CFAP20DC: variants seen among roughly 807,000 people sequenced by gnomAD.
CFAP20DC encodes protein CFAP20DC.
In CFAP20DC, 84 loss-of-function variants were observed where a neutral mutation model predicts 101.7. That is an observed-to-expected ratio of 0.83 (90% CI 0.69 to 0.99). The LOEUF is 0.99. CFAP20DC is among the 50% of genes least tolerant of loss of function. The pLI, the probability that CFAP20DC is intolerant of heterozygous loss-of-function variation, is 0.00. For synonymous variants in CFAP20DC, 359 were observed against 351.2 expected (o/e 1.02, Z -0.25); for missense variants, 1,007 against 970.3 (o/e 1.04, Z -0.50).
At chr3:58,866,196 C>CA (rs370129511) in intron 11 of CFAP20DC, among the ~76,000 whole-genome samples, 176 of 152,274 alleles carry the variant, frequency 1.2e-3, no homozygotes, top group African/African-American at 3.9e-3. Flanking sequence ...AAAAGTAGCA[C>CA]ACACCTGCTA....
chr3:58,831,575 A>G (rs1308126652), intron 14 of CFAP20DC, 111 bp downstream of exon 14: 1 of 767,152 alleles, frequency 1.3e-6, no homozygotes, highest in Non-Finnish European at 2.2e-6. Flanking sequence ...TATTTCTCAT[A>G]GGGAGAGTTC....
At chr3:58,769,244 T>A (rs2107476727) in intron 15 of CFAP20DC, among the ~76,000 whole-genome samples, 1 of 152,254 alleles carries the variant, frequency 6.6e-6, no homozygotes, top group Admixed American at 6.5e-5. Flanking sequence ...CTGAGTGCCA[T>A]CAGAAGCCAG....
intron 7 of CFAP20DC, among the ~76,000 whole-genome samples, chr3:58,880,096 A>G (rs1000266754): frequency 3.4e-4 from 52 of 151,452 alleles, no homozygotes; most frequent in African/African-American, 1.2e-3. Flanking sequence ...CTGACATCAT[A>G]CAATCATTGA....
intron 4 of CFAP20DC, among the ~76,000 whole-genome samples, chr3:58,958,209 C>T (rs2108174598): frequency 6.6e-6 from 1 of 152,214 alleles, no homozygotes; most frequent in African/African-American, 2.4e-5. Context: ...AAACTCCCAG[C>T]CCCAGACAAT....
downstream of CFAP20DC, among the ~76,000 whole-genome samples, chr3:58,716,187 C>T (rs929584168): frequency 8.0e-6 from 1 of 124,450 alleles, no homozygotes; most frequent in Admixed American, 9.7e-5. Flanking sequence ...CGGAGTCTCG[C>T]TCTGTCGCCC....
chr3:58,821,816 A>C (rs1244939422), intron 14 of CFAP20DC, among the ~76,000 whole-genome samples: 3 of 139,624 alleles, frequency 2.1e-5, no homozygotes. Flanking sequence ...AAGGACTATA[A>C]ATCATGCTGC....
chr3:58,825,238 A>G (rs988647535), intron 14 of CFAP20DC, among the ~76,000 whole-genome samples: 12 of 152,250 alleles, frequency 7.9e-5, no homozygotes, highest in African/African-American at 2.9e-4. Context: ...TGTCCTAGAA[A>G]TTCTGTTCTG....
rs74284394 is a variant in CFAP20DC, at chr3:58,751,868, A to C, written c.2332+1901T>G. Among the ~76,000 whole-genome samples, 153 of 125,564 alleles carry C rather than the reference A, an allele frequency of 1.2e-3. 2 individuals carry two copies. In the East Asian group the frequency reaches 0.054, roughly 44 times the overall value. 82.4% of individuals were successfully genotyped at this position (125,564 alleles called of 152,430 possible). A position where few individuals can be genotyped will look rare whatever the true frequency, so the allele number is the denominator to read the frequency against. ...ACACACACACACACACACACACACA[A>C]AATTTCCTCCTGGTGGTGGTGTGAG... is the stretch of plus-strand genomic sequence containing the variant. On this transcript the variant is annotated intron_variant, in intron 16 of 16. Transcript: ENST00000482387.
intron 14 of CFAP20DC, among the ~76,000 whole-genome samples, chr3:58,810,514 T>A (rs533105099): frequency 6.6e-6 from 1 of 152,212 alleles, no homozygotes; most frequent in South Asian, 2.1e-4. Flanking sequence ...CCCTCCATGC[T>A]AAAAACTCTC....
chr3:58,996,088 G>C (rs961008689), intron 4 of CFAP20DC, among the ~76,000 whole-genome samples: 3 of 149,542 alleles, frequency 2.0e-5, no homozygotes, highest in African/African-American at 7.5e-5. Flanking sequence ...AAATTGCTTT[G>C]GTATAAATGA....
chr3:59,018,867 T>A (rs2093743675), intron 4 of CFAP20DC: 1 of 152,046 alleles, frequency 6.6e-6, no homozygotes, highest in Non-Finnish European at 1.5e-5. Context: ...TACACTGAAG[T>A]GTTTAATAAA....
intron 4 of CFAP20DC, among the ~76,000 whole-genome samples, chr3:58,995,764 G>GCT (rs981148347): frequency 1.2e-4 from 18 of 152,262 alleles, no homozygotes; most frequent in Middle Eastern, 3.4e-3. Context: ...GGGAGAATTT[G>GCT]CTCTCTCTGT....
At chr3:58,977,393 A>G (rs2092323309) in intron 4 of CFAP20DC, among the ~76,000 whole-genome samples, 1 of 152,244 alleles carries the variant, frequency 6.6e-6, no homozygotes, top group Non-Finnish European at 1.5e-5. Context: ...GCTTACAATC[A>G]GAATTAAAGG....
At chr3:58,965,395 C>T (rs2108286432) in intron 4 of CFAP20DC, among the ~76,000 whole-genome samples, 1 of 152,254 alleles carries the variant, frequency 6.6e-6, no homozygotes, top group South Asian at 2.1e-4. Flanking sequence ...TAAGTGGAAG[C>T]ATAAAACCTC....
intron 15 of CFAP20DC, among the ~76,000 whole-genome samples, chr3:58,794,518 C>T (rs1385673986): frequency 6.6e-6 from 1 of 152,122 alleles, no homozygotes; most frequent in Non-Finnish European, 1.5e-5. Context: ...TAATATGAAG[C>T]TGTGAATGCT....
intron 12 of CFAP20DC, among the ~76,000 whole-genome samples, chr3:58,850,600 A>C (rs1331942519): frequency 6.6e-6 from 1 of 151,704 alleles, no homozygotes; most frequent in Non-Finnish European, 1.5e-5. Context: ...AAAAAAAAAA[A>C]AAAAGACAAA....
At chr3:58,921,393 C>T (rs894216731) in intron 5 of CFAP20DC, among the ~76,000 whole-genome samples, 6 of 152,040 alleles carry the variant, frequency 3.9e-5, no homozygotes, top group African/African-American at 1.4e-4. Context: ...TCCCTTTAGG[C>T]AGTGACTGCT....
At position 58,931,337 on chromosome 3, in the gene CFAP20DC, G is replaced by C. The variant is rs547425678; in HGVS notation, c.393+6311C>G. 9.8e-5 allele frequency among the ~76,000 whole-genome samples: 15 copies of C among 152,318 alleles called. No homozygotes were observed. The South Asian group carries it at 1.5e-3, about 15-fold the overall frequency. ...CCTGCCTCTGTAGGCTCCACCTTTG[G>C]GGGCAGGGCACAGACAAACAAAAAG... On this transcript the variant is annotated intron_variant, in intron 5 of 16. Coordinates refer to ENST00000482387, the MANE Select transcript of CFAP20DC (RefSeq NM_001394063.1).
rs532801200 is a variant in CFAP20DC, at chr3:58,863,997, G to A, written c.1259-105C>T. The A allele has an allele frequency of 9.5e-5, 108 of 1,139,362 alleles. 1 individual carries two copies. Among genetic ancestry groups the A allele is most frequent in the African/African-American group, 2.8e-4 (18 of 63,944 alleles). The allele number at this position is 1,139,362 out of a possible 1,614,324, so 70.6% of individuals were successfully genotyped here. A position where few individuals can be genotyped will look rare whatever the true frequency, so the allele number is the denominator to read the frequency against. ...GTTTTTGAGACAGTCTCACTCTGCC[G>A]CCTAGGCTGCAGTGCAGTCACGCGA... On this transcript the variant is annotated intron_variant, in intron 11 of 16. Coordinates refer to ENST00000482387, the MANE Select transcript of CFAP20DC (RefSeq NM_001394063.1). This position sits in a 1 kb window ranked among gnomAD's most constrained non-coding sequence, Gnocchi z 5.9.
Sources: gnomAD v4.1 joint callset for allele counts (sites outside exome capture counted in the v4.1 genomes callset) on GRCh38, gnomAD v4.1.1 for gene constraint, Gnocchi (gnomAD v3.1) non-coding constraint, MANE v1.5 for transcripts, NCBI Gene and HGNC (gene_info 2026-07-23, HGNC 2026-07-21) for gene names.